Variants in IL1RAPL2 observed in about 807,000 individuals in gnomAD.
IL1RAPL2 encodes interleukin 1 receptor accessory protein like 2.
A neutral mutation model predicts 44.1 loss-of-function variants in IL1RAPL2; 3 were observed. That is an observed-to-expected ratio of 0.07 (90% CI 0.03 to 0.18). IL1RAPL2 has a LOEUF of 0.18. Among genes scored for constraint, IL1RAPL2 ranks in the 10% least tolerant of loss-of-function variants. The pLI is 1.00. For missense variants in IL1RAPL2, 391 were observed against 496.4 expected, an observed-to-expected ratio of 0.79 and a Z score of 2.02; for synonymous variants, 181 against 178.8, an observed-to-expected ratio of 1.01 and a Z score of -0.10.
chrX:104,785,651 A>G (rs1312674035), intron 2 of IL1RAPL2, among the ~76,000 whole-genome samples: 1 of 111,414 alleles, frequency 9.0e-6, no homozygotes, highest in Non-Finnish European at 1.9e-5. Context: ...TAGCATTTTA[A>G]ATGCCATTGA....
At chrX:105,586,690 T>C (rs1446143280) in intron 6 of IL1RAPL2, among the ~76,000 whole-genome samples, 3 of 112,036 alleles carry the variant, frequency 2.7e-5, no homozygotes, top group Admixed American at 1.9e-4. Flanking sequence ...CAAAGACTTT[T>C]CTGCCTGCTC....
intron 5 of IL1RAPL2, among the ~76,000 whole-genome samples, chrX:105,422,916 A>G (rs1003082784): frequency 2.1e-4 from 23 of 111,270 alleles, no homozygotes; most frequent in African/African-American, 7.5e-4. Context: ...CCTTCTAAAG[A>G]GGACCAAAAC....
chrX:104,652,711 T>C (rs144523475), intron 1 of IL1RAPL2, among the ~76,000 whole-genome samples: 1,189 of 112,156 alleles, frequency 0.011, 13 homozygotes, highest in Non-Finnish European at 0.016. Flanking sequence ...CCTCTTCCAC[T>C]GAGAGATTAG....
At chrX:105,499,312 T>A (rs2036376630) in intron 6 of IL1RAPL2, among the ~76,000 whole-genome samples, 1 of 110,844 alleles carries the variant, frequency 9.0e-6, no homozygotes. Flanking sequence ...GGGAAAATCA[T>A]AACACTGGTC....
chrX:104,897,504 T>C (rs1042655783), intron 2 of IL1RAPL2, among the ~76,000 whole-genome samples: 5 of 112,218 alleles, frequency 4.5e-5, no homozygotes, highest in Admixed American at 1.9e-4. Context: ...CTGGTCAAAA[T>C]GCTCACAGAG....
At chrX:104,648,065 A>G (rs1930081432) in intron 1 of IL1RAPL2, 1 of 471,648 alleles carries the variant, frequency 2.1e-6, no homozygotes, top group Non-Finnish European at 3.8e-6. Context: ...TTCCCCAGCC[A>G]CACATCCAAA....
chrX:105,612,088 TTTTGTTTG>T (rs758633330), intron 6 of IL1RAPL2, among the ~76,000 whole-genome samples: 4 of 111,014 alleles, frequency 3.6e-5, no homozygotes, highest in South Asian at 3.8e-4. Flanking sequence ...AAACATTGTT[TTTTGTTTG>T]TTTGTTTGTT....
intron 2 of IL1RAPL2, among the ~76,000 whole-genome samples, chrX:104,958,314 T>C (rs1397895371): frequency 3.7e-5 from 4 of 108,181 alleles, no homozygotes; most frequent in Non-Finnish European, 1.9e-5. Flanking sequence ...ATGTGTTTTG[T>C]TCTAGGCCCC....
At chrX:104,634,840 A>C (rs986393390) in intron 1 of IL1RAPL2, among the ~76,000 whole-genome samples, 30 of 111,880 alleles carry the variant, frequency 2.7e-4, no homozygotes, top group Admixed American at 9.5e-5. Flanking sequence ...CAGCCCATTT[A>C]CATTTAAGGT....
At chrX:105,691,252 A>G (rs1167403110) in intron 6 of IL1RAPL2, among the ~76,000 whole-genome samples, 1 of 111,719 alleles carries the variant, frequency 9.0e-6, no homozygotes, top group East Asian at 2.8e-4. Context: ...ATTCTAAAAT[A>G]TCAGCCAGGA....
At chrX:105,051,690 C>T (rs962804775) in intron 2 of IL1RAPL2, among the ~76,000 whole-genome samples, 2 of 113,141 alleles carry the variant, frequency 1.8e-5, no homozygotes, top group Admixed American at 9.2e-5. Flanking sequence ...GGCCTCCCAC[C>T]GGCTGCATGG....
At chrX:105,519,135 C>T (rs1291086593) in intron 6 of IL1RAPL2, among the ~76,000 whole-genome samples, 1 of 111,994 alleles carries the variant, frequency 8.9e-6, no homozygotes, top group Non-Finnish European at 1.9e-5. Context: ...AAGTCCTTTC[C>T]ACCATATAAC....
chrX:105,350,639 G>A (rs568638575), intron 5 of IL1RAPL2, among the ~76,000 whole-genome samples: 3 of 111,698 alleles, frequency 2.7e-5, no homozygotes, highest in African/African-American at 9.8e-5. Context: ...CAGGAGAATC[G>A]CTTGAACCCA....
chrX:105,527,412 A>G (rs1211718362), intron 6 of IL1RAPL2, among the ~76,000 whole-genome samples: 2 of 103,432 alleles, frequency 1.9e-5, no homozygotes, highest in Non-Finnish European at 4.0e-5. Context: ...GATAAAAAGG[A>G]CATGCAGTAT....
At chrX:105,628,445 A>C (rs1344844137) in intron 6 of IL1RAPL2, among the ~76,000 whole-genome samples, 1 of 112,104 alleles carries the variant, frequency 8.9e-6, no homozygotes, top group Non-Finnish European at 1.9e-5. Context: ...TTACAAAAAA[A>C]AATTGTAAAA....
chrX:104,808,858 G>C (rs1232901360), intron 2 of IL1RAPL2, among the ~76,000 whole-genome samples: 1 of 111,595 alleles, frequency 9.0e-6, no homozygotes, highest in East Asian at 2.8e-4. Flanking sequence ...GAAAATGTAG[G>C]ACTGGGACTT....
chrX:105,501,065 T>G (rs1185885608), intron 6 of IL1RAPL2, among the ~76,000 whole-genome samples: 3 of 112,197 alleles, frequency 2.7e-5, no homozygotes, highest in Admixed American at 9.5e-5. Context: ...TAGTATTTGC[T>G]TCAATATTTC....
intron 6 of IL1RAPL2, among the ~76,000 whole-genome samples, chrX:105,597,575 C>T (rs1395274772): frequency 9.0e-6 from 1 of 110,877 alleles, no homozygotes; most frequent in Non-Finnish European, 1.9e-5. Context: ...GTGCTACACA[C>T]TTTTAAGTGA....
intron 2 of IL1RAPL2, among the ~76,000 whole-genome samples, chrX:105,026,768 A>C (rs2031379941): frequency 9.0e-6 from 1 of 110,910 alleles, no homozygotes; most frequent in Non-Finnish European, 1.9e-5. Flanking sequence ...TACTACCCAA[A>C]GCAATATACA....
Sources: allele counts gnomAD v4.1 joint callset (sites outside exome capture counted in the v4.1 genomes callset), GRCh38; gene constraint gnomAD v4.1.1; transcripts MANE v1.5; gene names NCBI Gene and HGNC (gene_info 2026-07-23, HGNC 2026-07-21).